The following WARS1 variants were observed in gnomAD, a reference collection of about 807,000 sequenced individuals.
WARS1 encodes tryptophan--tRNA ligase, cytoplasmic.
In WARS1, 17 loss-of-function variants were observed where a neutral mutation model predicts 47.8. The ratio of observed to expected loss-of-function variants is 0.36; its 90% CI spans 0.24 to 0.53. WARS1 has a LOEUF of 0.53. WARS1 is among the 20% of genes least tolerant of loss of function. The probability of loss-of-function intolerance (pLI) is 0.91; values close to 1 mark genes in which losing one functional copy is unlikely to be tolerated. For missense variants in WARS1, 434 were observed against 608.0 expected, an observed-to-expected ratio of 0.71 and a Z score of 3.01; for synonymous variants, 208 against 228.1, an observed-to-expected ratio of 0.91 and a Z score of 0.79.
At position 100,334,133 on chromosome 14, in the gene WARS1, G is replaced by T. The variant is rs1439886947; in HGVS notation, c.*742C>A. ...GGGAAAAGCCACCCTGACTCTGCAG[G>T]ACAGAGGGTCTAGGGTCATTTGGCA... is the stretch of plus-strand genomic sequence containing the variant. On this transcript the variant is annotated 3_prime_UTR_variant, in exon 11 of 11. Transcript: ENST00000392882. 6.6e-6 allele frequency: 1 copy of T among 152,656 alleles called. No homozygotes were observed. The highest frequency in any genetic ancestry group is 2.4e-5 in the African/African-American group (1 of 41,444). The allele number at this position is 152,656 out of a possible 1,614,324, so 9.5% of individuals were successfully genotyped here. A position where few individuals can be genotyped will look rare whatever the true frequency, so the allele number is the denominator to read the frequency against.
At chr14:100,345,032 C>T (rs1338550069) in intron 7 of WARS1, among the ~76,000 whole-genome samples, 2 of 150,582 alleles carry the variant, frequency 1.3e-5, no homozygotes, top group African/African-American at 2.4e-5. Flanking sequence ...CCAGCCGCCC[C>T]GTCCGGGAGG....
At chr14:100,366,464 C>A (rs544734818) in intron 2 of WARS1, among the ~76,000 whole-genome samples, 2 of 152,190 alleles carry the variant, frequency 1.3e-5, no homozygotes, top group African/African-American at 4.8e-5. Context: ...CCAAGAAACA[C>A]CAAACAGTTG....
intron 9 of WARS1, chr14:100,340,167 C>T (rs748128870): frequency 1.3e-5 from 2 of 152,138 alleles, no homozygotes; most frequent in Non-Finnish European, 2.9e-5. Flanking sequence ...GGGTGGAGCT[C>T]GAGAACTGAG....
chr14:100,362,115 G>C (rs987820612), intron 2 of WARS1, among the ~76,000 whole-genome samples, 194 bp from the exon 3 acceptor site: 9 of 152,198 alleles, frequency 5.9e-5, no homozygotes, highest in Non-Finnish European at 1.2e-4. Flanking sequence ...AGAGGTAGAG[G>C]AGCTTACCCA....
rs1896467263 is a variant in WARS1 at position 100,373,650 on chromosome 14, C to T, written c.-74+1633G>A. On this transcript the variant is annotated intron_variant, in intron 1 of 10. Coordinates refer to ENST00000392882, the MANE Select transcript of WARS1 (RefSeq NM_004184.4). The surrounding 1 kb of genome is among the most constrained non-coding windows in gnomAD (Gnocchi z 4.4). ...AACTGTTTCTTTGCTAGAGGATCAG[C>T]TAGATAAACAGGACTTGCATTTAGG... 6.6e-6 allele frequency among the ~76,000 whole-genome samples: 1 copy of T among 152,152 alleles called. No individual in the cohort carries two copies. The highest frequency in any genetic ancestry group is 1.5e-5 in the Non-Finnish European group (1 of 68,034).
intron 8 of WARS1, among the ~76,000 whole-genome samples, chr14:100,343,012 G>T (rs1894280162): frequency 6.6e-6 from 1 of 152,188 alleles, no homozygotes; most frequent in South Asian, 2.1e-4. Flanking sequence ...GAGTAGCTGG[G>T]ATTACAGGCG....
chr14:100,361,636 T>C (rs1895667600), intron 3 of WARS1, 72 bp downstream of exon 3: 1 of 1,466,296 alleles, frequency 6.8e-7, no homozygotes, highest in Admixed American at 2.0e-5. Flanking sequence ...TTTAAAAACA[T>C]CAATGGAATC....
rs554941128 is a variant in WARS1 at position 100,347,090 on chromosome 14, A to G, written c.726-244T>C. ...CTGGGAAAGGCAGAAACCAGTGTGA[A>G]ACCGACGTGAAGCAGACATACAAAC... On this transcript the variant is annotated intron_variant, in intron 6 of 10. Coordinates refer to ENST00000392882, the MANE Select transcript of WARS1 (RefSeq NM_004184.4). 1.2e-4 allele frequency among the ~76,000 whole-genome samples: 18 copies of G among 152,362 alleles called. No homozygotes were observed. In the East Asian group the frequency reaches 2.9e-3, roughly 25 times the overall value.
intron 7 of WARS1, among the ~76,000 whole-genome samples, chr14:100,345,293 A>G (rs1378063408): frequency 6.6e-6 from 1 of 151,858 alleles, no homozygotes; most frequent in Non-Finnish European, 1.5e-5. Flanking sequence ...AGAAAGAGGT[A>G]GACATGGGAG....
chr14:100,337,314 G>A, intron 9 of WARS1, 112 bp from the exon 10 acceptor site: 1 of 1,519,616 alleles, frequency 6.6e-7, no homozygotes, highest in Non-Finnish European at 8.9e-7. Context: ...TCAGATTCTG[G>A]ACCCGGGAAA....
intron 2 of WARS1, chr14:100,366,063 T>C (rs1341115658): frequency 2.2e-6 from 1 of 456,026 alleles, no homozygotes; most frequent in Non-Finnish European, 4.4e-6. Flanking sequence ...GTGTCACAGT[T>C]TCCCCTCCAT....
At chr14:100,359,006 A>G (rs1021432427) in intron 4 of WARS1, among the ~76,000 whole-genome samples, 1 of 152,226 alleles carries the variant, frequency 6.6e-6, no homozygotes, top group African/African-American at 2.4e-5. Context: ...AAACACAACA[A>G]CATGGAAAAT....
At chr14:100,369,847 AGAGG>A (rs1352744596) in intron 1 of WARS1, among the ~76,000 whole-genome samples, 1 of 151,938 alleles carries the variant, frequency 6.6e-6, no homozygotes, top group African/African-American at 2.4e-5. Context: ...TATTTTTAGT[AGAGG>A]GAGGGTTTCA....
intron 4 of WARS1, among the ~76,000 whole-genome samples, chr14:100,356,928 C>T (rs1473892306): frequency 1.3e-5 from 2 of 152,152 alleles, no homozygotes; most frequent in East Asian, 3.8e-4. Flanking sequence ...AGATTATACA[C>T]TATGATTGAA....
intron 9 of WARS1, among the ~76,000 whole-genome samples, chr14:100,341,153 T>C (rs1894136883): frequency 6.6e-6 from 1 of 152,134 alleles, no homozygotes; most frequent in South Asian, 2.1e-4. Context: ...TGACCTCAGG[T>C]GATCCACCTG....
Position 100,353,847 on chromosome 14 carries a change from C to T in WARS1, c.565G>A (p.Val189Met), listed in dbSNP as rs538357988. Reference sequence around the variant, plus strand: ...TCCGTCATCTGGATGACCAAGGGCACGTTAAATACATCCTGGAGCCACCTA... The same window carrying T: ...TCCGTCATCTGGATGACCAAGGGCATGTTAAATACATCCTGGAGCCACCTA... ...FTKWLQDVFN[V>M]PLVIQMTDDE... The change falls in exon 6 of 11, where the codon GTG becomes ATG. Residue 189 changes from valine to methionine, a missense_variant. Physicochemically the swap from Val to Met is conservative, Grantham distance 21. This residue lies in a region of WARS1 where 347 missense variants were observed against 523.8 expected (regional missense o/e 0.66). Transcript: ENST00000392882. The T allele has an allele frequency of 5.6e-6, 9 of 1,613,950 alleles. No individual in the cohort carries two copies. The highest frequency in any genetic ancestry group is 1.7e-5 in the Admixed American group (1 of 60,014).
chr14:100,365,993 G>T (rs940088166), intron 2 of WARS1: 14 of 455,792 alleles, frequency 3.1e-5, no homozygotes. Flanking sequence ...AAACAGGAGC[G>T]CTGGTTGAAG....
intron 8 of WARS1, 36 bp downstream of exon 8, chr14:100,343,239 C>G: frequency 1.3e-6 from 2 of 1,558,766 alleles, no homozygotes; most frequent in Non-Finnish European, 1.8e-6. Context: ...TGTCAATGCC[C>G]CAGACTTAGA....
At chr14:100,337,030 G>A (rs1339126643) in intron 10 of WARS1, 32 bp downstream of exon 10, 5 of 1,600,402 alleles carry the variant, frequency 3.1e-6, no homozygotes, top group Non-Finnish European at 4.3e-6. Flanking sequence ...GTGGCAGAAG[G>A]CGGCTGTGGG....
Sources: gnomAD v4.1 joint callset for allele counts (sites outside exome capture counted in the v4.1 genomes callset) on GRCh38, gnomAD v4.1.1 for gene constraint, gnomAD v4.1.1 regional missense constraint, Gnocchi (gnomAD v3.1) non-coding constraint, MANE v1.5 for transcripts, NCBI Gene and HGNC (gene_info 2026-07-23, HGNC 2026-07-21) for gene names.